Variants in SPATA20 observed in about 807,000 individuals in gnomAD.
SPATA20 encodes spermatogenesis-associated protein 20.
In SPATA20, 74 loss-of-function variants were observed where a neutral mutation model predicts 98.9. That is an observed-to-expected ratio of 0.75 (90% CI 0.62 to 0.91). The LOEUF (loss-of-function observed/expected upper bound fraction) is 0.91, where lower values mean the gene tolerates loss of function less well. Among genes scored for constraint, SPATA20 ranks in the 40% least tolerant of loss-of-function variants. The pLI, the probability that SPATA20 is intolerant of heterozygous loss-of-function variation, is 0.00. For synonymous variants in SPATA20, 430 were observed against 440.5 expected, an observed-to-expected ratio of 0.98 and a Z score of 0.30; for missense variants, 1,016 against 1,069.8, an observed-to-expected ratio of 0.95 and a Z score of 0.70.
intron 12 of SPATA20, 35 bp from the exon 13 acceptor site, chr17:50,551,476 A>G (rs2035014371): frequency 6.3e-7 from 1 of 1,578,108 alleles, no homozygotes; most frequent in Non-Finnish European, 8.7e-7. Flanking sequence ...GGTCCTGGCC[A>G]GCTTCTTACC....
Position 50,551,660 on chromosome 17 carries a change from G to T in SPATA20, c.1726G>T (p.Gly576Trp). 6.3e-7 allele frequency: 1 copy of T among 1,591,768 alleles called. No individual in the cohort carries two copies. Among genetic ancestry groups the T allele is most frequent in the Non-Finnish European group, 8.6e-7 (1 of 1,162,188 alleles). The part of the protein sequence containing the change: ...RLMRTCYTGP[G>W]GTVEHSNPPC... ...GATGCGGACCTGCTACACCGGCCCT[G>T]GGGGGACTGTGGAGCACAGGTTGGG... is the stretch of plus-strand genomic sequence containing the variant. Residue 576 changes from glycine to tryptophan, a missense_variant, in exon 13 of 17, where the codon GGG (glycine) becomes TGG (tryptophan). Coordinates refer to ENST00000006658, the MANE Select transcript of SPATA20 (RefSeq NM_022827.4).
In SPATA20 at chr17:50,549,201, G is replaced by C. The variant is rs1195370242; in HGVS notation, c.660+15G>C. 1.2e-5 allele frequency: 19 copies of C among 1,592,360 alleles called. No homozygotes were observed. Among genetic ancestry groups the C allele is most frequent in the Non-Finnish European group, 1.6e-5 (19 of 1,165,754 alleles). On this transcript the variant is annotated intron_variant, in intron 6 of 16. Transcript: ENST00000006658. ...TACGAGAACAGGTGGGTGTGCCTCC[G>C]GGAGTTGGGGGACCAGGGTGGGGGA...
chr17:50,550,781 A>C lies in SPATA20; in HGVS notation c.1247A>C (p.Tyr416Ser), dbSNP rs990491947. 10 of 1,613,098 alleles carry C rather than the reference A, an allele frequency of 6.2e-6. No individual in the cohort carries two copies. Among genetic ancestry groups the C allele is most frequent in the Admixed American group, 1.7e-5 (1 of 60,034 alleles). The part of the protein sequence containing the change: ...ERGQRPKEGA[Y>S]YVWTVKEVQQ... ...GGCCAGCGGCCCAAAGAGGGCGCCT[A>C]CTATGTGTGGACGGTCAAAGAGGTT... is the stretch of plus-strand genomic sequence containing the variant. The change falls in exon 11 of 17, where the codon TAC (tyrosine) becomes TCC (serine). Residue 416 changes from tyrosine to serine, a missense_variant. Coordinates refer to ENST00000006658, the MANE Select transcript of SPATA20 (RefSeq NM_022827.4).
intron 14 of SPATA20, 108 bp from the exon 15 acceptor site, chr17:50,554,143 C>A: frequency 2.0e-6 from 2 of 990,622 alleles, no homozygotes; most frequent in Non-Finnish European, 3.1e-6. Flanking sequence ...TGGGCAGGGC[C>A]TTTTCTCTGT....
chr17:50,551,444 G>A, intron 12 of SPATA20, 67 bp from the exon 13 acceptor site: 2 of 1,520,638 alleles, frequency 1.3e-6, no homozygotes, highest in South Asian at 2.5e-5. Context: ...GGCCTAAGGT[G>A]ATAGGGTGGA....
At chr17:50,550,358 G>A in intron 9 of SPATA20, 46 bp downstream of exon 9, 1 of 1,491,332 alleles carries the variant, frequency 6.7e-7, no homozygotes, top group Non-Finnish European at 9.2e-7. Context: ...CACTCTGGCT[G>A]CCCCTCCCAA....
At chr17:50,548,169 G>C in intron 2 of SPATA20, 114 bp from the exon 3 acceptor site, 1 of 1,495,742 alleles carries the variant, frequency 6.7e-7, no homozygotes, top group Non-Finnish European at 8.9e-7. Flanking sequence ...AAGGTGGGTT[G>C]GGCTGGGAGC....
chr17:50,554,346 T>C lies in SPATA20; in HGVS notation c.2053T>C (p.Cys685Arg). The part of the protein sequence containing the change: ...FTGHKDWMDK[C>R]VCLLTAFSER... ...GGGCCACAAGGACTGGATGGACAAG[T>C]GTGTGTGCCTATTGACCGCCTTTTC... Residue 685 changes from cysteine (C) to arginine (R), a missense_variant, in exon 15 of 17, where the codon TGT becomes CGT. Physicochemically the swap from Cys to Arg is radical, Grantham distance 180 (BLOSUM62 -3). Transcript: ENST00000006658. 9.9e-6 allele frequency: 16 copies of C among 1,614,066 alleles called. No homozygotes were observed. Among genetic ancestry groups the C allele is most frequent in the Non-Finnish European group, 1.4e-5 (16 of 1,180,026 alleles).
chr17:50,551,393 C>T, intron 12 of SPATA20, 118 bp from the exon 13 acceptor site: 1 of 1,340,952 alleles, frequency 7.5e-7, no homozygotes, highest in South Asian at 1.4e-5. Context: ...CTTTGGAGCC[C>T]AAGATCTTAG....
intron 8 of SPATA20, 24 bp from the exon 9 acceptor site, chr17:50,550,184 G>T: frequency 4.3e-6 from 7 of 1,611,882 alleles, no homozygotes; most frequent in Non-Finnish European, 5.9e-6. Context: ...GCTGGGACTG[G>T]CCTCCAGCTT....
intron 13 of SPATA20, 98 bp downstream of exon 13, chr17:50,551,777 T>A: frequency 7.3e-7 from 1 of 1,374,254 alleles, no homozygotes; most frequent in Non-Finnish European, 9.9e-7. Context: ...CAGTCCTGGC[T>A]CTGCCAGGTG....
At position 50,548,390 on chromosome 17, in the gene SPATA20, C is replaced by T. The variant is rs374304563; in HGVS notation, c.233C>T (p.Pro78Leu). ...SHPSSTPQRVPNRLIHEKSPY... is the reference protein window; with the variant it reads ...SHPSSTPQRVLNRLIHEKSPY... Reference sequence around the variant, plus strand: ...CCTTCATCTACACCCCAGAGGGTCCCCAACCGCCTGATCCACGAGAAGTCA... The same window carrying T: ...CCTTCATCTACACCCCAGAGGGTCCTCAACCGCCTGATCCACGAGAAGTCA... The change falls in exon 3 of 17, where the codon CCC becomes CTC. Residue 78 changes from proline to leucine, a missense_variant. By Grantham distance (98) the Pro-to-Leu change is moderately conservative. Transcript: ENST00000006658. 49 of 1,614,028 alleles carry T rather than the reference C, an allele frequency of 3.0e-5. No homozygotes were observed. Among genetic ancestry groups the T allele is most frequent in the East Asian group, 1.1e-4 (5 of 44,878 alleles).
Position 50,555,589 on chromosome 17 carries a change from A to G in SPATA20, c.2336A>G (p.Tyr779Cys), listed in dbSNP as rs1223677208. The G allele has an allele frequency of 6.2e-7, 1 of 1,613,948 alleles. No homozygotes were observed. Among genetic ancestry groups the G allele is most frequent in the South Asian group, 1.1e-5 (1 of 91,080 alleles). The change falls in exon 17 of 17, where the codon TAT becomes TGT. Residue 779 changes from tyrosine (Y) to cysteine (C), a missense_variant. Transcript: ENST00000006658. The part of the protein sequence containing the change: ...LRRLEDQATA[Y>C]VCENQACSVP... ...CGGTTGGAAGACCAGGCCACTGCAT[A>G]TGTGTGTGAGAATCAAGCCTGCTCA... is the stretch of plus-strand genomic sequence containing the variant.
chr17:50,553,177 A>C (rs2035042926), intron 14 of SPATA20, among the ~76,000 whole-genome samples: 2 of 152,364 alleles, frequency 1.3e-5, no homozygotes, highest in South Asian at 2.1e-4. Flanking sequence ...TTTCTTTCCC[A>C]AAACTCAAAT....
Position 50,550,797 on chromosome 17 carries a change from C to T in SPATA20, c.1263C>T (p.Val421=). ...PKEGAYYVWT[V]KEVQQLLPEP... ...AGGGCGCCTACTATGTGTGGACGGTCAAAGAGGTTCAGCAGCTCCTCCCGG... is the reference window on the plus strand; with the variant it reads ...AGGGCGCCTACTATGTGTGGACGGTTAAAGAGGTTCAGCAGCTCCTCCCGG... Residue 421 remains valine, a synonymous_variant, in exon 11 of 17, where the codon GTC becomes GTT. Coordinates refer to ENST00000006658, the MANE Select transcript of SPATA20 (RefSeq NM_022827.4). 6.2e-7 allele frequency: 1 copy of T among 1,613,062 alleles called. No individual in the cohort carries two copies. The highest frequency in any genetic ancestry group is 8.5e-7 in the Non-Finnish European group (1 of 1,180,036).
At chr17:50,551,453 G>C in intron 12 of SPATA20, 58 bp from the exon 13 acceptor site, 1 of 1,541,282 alleles carries the variant, frequency 6.5e-7, no homozygotes, top group African/African-American at 1.4e-5. Context: ...TGATAGGGTG[G>C]ACATGCCTGG....
chr17:50,548,102 AC>A (rs1288955114), intron 2 of SPATA20, 180 bp from the exon 3 acceptor site: 3 of 1,506,214 alleles, frequency 2.0e-6, no homozygotes, highest in Non-Finnish European at 1.8e-6. Context: ...ACCTCTCCTC[AC>A]CCCCCAAAAA....
intron 15 of SPATA20, 46 bp downstream of exon 15, chr17:50,554,496 G>A (rs873839): frequency 0.25 from 403,898 of 1,587,494 alleles, 59,127 homozygotes; most frequent in African/African-American, 0.62. Context: ...TAGGAGGGAA[G>A]TTGGGGCTGC....
chr17:50,551,900 G>A (rs775940802), intron 13 of SPATA20, 69 bp from the exon 14 acceptor site: 28 of 1,411,124 alleles, frequency 2.0e-5, no homozygotes, highest in Non-Finnish European at 2.7e-5. Flanking sequence ...TGCGTGAAAG[G>A]GCCTCCTCTG....
Sources: allele counts gnomAD v4.1 joint callset (sites outside exome capture counted in the v4.1 genomes callset), GRCh38; gene constraint gnomAD v4.1.1; transcripts MANE v1.5; gene names NCBI Gene and HGNC (gene_info 2026-07-23, HGNC 2026-07-21).